MDGA2: variants seen among roughly 807,000 people sequenced by gnomAD.
The protein encoded by MDGA2 is MAM domain-containing glycosylphosphatidylinositol anchor protein 2.
A neutral mutation model predicts 117.8 loss-of-function variants in MDGA2; 40 were observed. The observed-to-expected ratio is 0.34, with a 90% CI of 0.26 to 0.44. The LOEUF (loss-of-function observed/expected upper bound fraction) is 0.44. MDGA2 is among the 20% of genes least tolerant of loss of function. The pLI is 1.00. For synonymous variants in MDGA2, 452 were observed against 439.0 expected (o/e 1.03, Z -0.37); for missense variants, 1,123 against 1,250.6 (o/e 0.90, Z 1.54).
intron 1 of MDGA2, among the ~76,000 whole-genome samples, chr14:47,479,746 A>AG (rs1893914007): frequency 6.6e-6 from 1 of 151,720 alleles, no homozygotes. Context: ...CTGATGAGTA[A>AG]GGAAAAAAAA....
chr14:47,446,109 C>T (rs571577863), intron 1 of MDGA2, among the ~76,000 whole-genome samples: 2 of 152,096 alleles, frequency 1.3e-5, no homozygotes, highest in Admixed American at 6.5e-5. Context: ...TTACTCACTT[C>T]CTTAAAAAAA....
At chr14:47,621,190 T>A (rs1358235153) in intron 1 of MDGA2, among the ~76,000 whole-genome samples, 1 of 152,132 alleles carries the variant, frequency 6.6e-6, no homozygotes, top group Non-Finnish European at 1.5e-5. Flanking sequence ...TTATTTACAA[T>A]TCCAAGTCCC....
At chr14:47,473,204 C>G (rs959074392) in intron 1 of MDGA2, among the ~76,000 whole-genome samples, 1 of 152,078 alleles carries the variant, frequency 6.6e-6, no homozygotes, top group Non-Finnish European at 1.5e-5. Context: ...GGGCACAGAC[C>G]CCACTGGCTC....
intron 8 of MDGA2, among the ~76,000 whole-genome samples, chr14:46,986,351 G>C (rs1886858291): frequency 6.6e-6 from 1 of 151,984 alleles, no homozygotes; most frequent in Non-Finnish European, 1.5e-5. Context: ...GCCTCTTCAG[G>C]AATTCTTTCT....
intron 3 of MDGA2, among the ~76,000 whole-genome samples, chr14:47,189,865 T>C (rs1268554787): frequency 6.6e-6 from 1 of 152,158 alleles, no homozygotes; most frequent in Non-Finnish European, 1.5e-5. Context: ...CTCACTGAGA[T>C]GGTGACAATT....
intron 1 of MDGA2, among the ~76,000 whole-genome samples, chr14:47,602,569 A>C (rs1406207083): frequency 6.6e-6 from 1 of 152,126 alleles, no homozygotes; most frequent in Non-Finnish European, 1.5e-5. Flanking sequence ...GTTTCCTGCA[A>C]TGTCTCTATC....
chr14:46,922,458 T>C (rs991727862), intron 9 of MDGA2, among the ~76,000 whole-genome samples: 1 of 152,212 alleles, frequency 6.6e-6, no homozygotes, highest in Non-Finnish European at 1.5e-5. Flanking sequence ...TGTTAACTAA[T>C]TTTAGATTAA....
chr14:47,248,050 T>C (rs1887308857), intron 2 of MDGA2, among the ~76,000 whole-genome samples: 1 of 151,716 alleles, frequency 6.6e-6, no homozygotes, highest in South Asian at 2.1e-4. Context: ...CTATCATTGA[T>C]GGGCATTTGG....
intron 9 of MDGA2, among the ~76,000 whole-genome samples, chr14:46,934,885 A>G (rs1261450573): frequency 6.6e-6 from 1 of 152,136 alleles, no homozygotes; most frequent in African/African-American, 2.4e-5. Context: ...ACAAGGTCAA[A>G]ATAGCTATGA....
intron 1 of MDGA2, among the ~76,000 whole-genome samples, chr14:47,425,042 G>C (rs1032432170): frequency 6.6e-6 from 1 of 152,146 alleles, no homozygotes; most frequent in Non-Finnish European, 1.5e-5. Flanking sequence ...ATGGGAATTG[G>C]AGCAGCTCCC....
intron 9 of MDGA2, among the ~76,000 whole-genome samples, chr14:46,932,853 G>T (rs1028141313): frequency 6.6e-6 from 1 of 151,136 alleles, no homozygotes; most frequent in Non-Finnish European, 1.5e-5. Context: ...CAAATGACAC[G>T]ATTATCAGCA....
At chr14:47,488,863 A>G (rs1342725588) in intron 1 of MDGA2, among the ~76,000 whole-genome samples, 1 of 152,090 alleles carries the variant, frequency 6.6e-6, no homozygotes. Flanking sequence ...CAGGAGAAAC[A>G]GACAAATTAC....
chr14:47,093,647 A>G (rs953470189), intron 6 of MDGA2, among the ~76,000 whole-genome samples: 4 of 152,134 alleles, frequency 2.6e-5, no homozygotes, highest in African/African-American at 9.7e-5. Context: ...TGTTCTCCCA[A>G]AGTAGTAAAC....
chr14:47,462,341 A>G (rs984345694), intron 1 of MDGA2, among the ~76,000 whole-genome samples: 7 of 143,932 alleles, frequency 4.9e-5, no homozygotes, highest in African/African-American at 1.6e-4. Flanking sequence ...GTGCCACTGC[A>G]CTCCAGCCTG....
chr14:47,588,624 G>A (rs1292017208), intron 1 of MDGA2, among the ~76,000 whole-genome samples: 5 of 151,674 alleles, frequency 3.3e-5, no homozygotes, highest in Non-Finnish European at 7.4e-5. Context: ...TTTTCTACAT[G>A]TGAGTCCCTC....
At chr14:47,594,914 C>A (rs1416202804) in intron 1 of MDGA2, among the ~76,000 whole-genome samples, 12 of 105,374 alleles carry the variant, frequency 1.1e-4, no homozygotes. Flanking sequence ...TCTATCAACT[C>A]CCTGATTTCC....
intron 8 of MDGA2, among the ~76,000 whole-genome samples, chr14:46,980,817 T>C (rs1886642546): frequency 6.6e-6 from 1 of 152,152 alleles, no homozygotes; most frequent in African/African-American, 2.4e-5. Context: ...TATGTACACT[T>C]TTTAGACATA....
chr14:47,394,452 A>T (rs1398139207), intron 1 of MDGA2, among the ~76,000 whole-genome samples: 1 of 152,162 alleles, frequency 6.6e-6, no homozygotes, highest in African/African-American at 2.4e-5. Flanking sequence ...CTGTGATAGC[A>T]ATTTAACCAT....
intron 1 of MDGA2, among the ~76,000 whole-genome samples, chr14:47,614,236 C>G (rs1421702154): frequency 2.7e-5 from 4 of 150,836 alleles, no homozygotes; most frequent in African/African-American, 9.7e-5. Context: ...GTTACAGGCA[C>G]CTGCCATCAT....
Sources: allele counts gnomAD v4.1 joint callset (sites outside exome capture counted in the v4.1 genomes callset), GRCh38; gene constraint gnomAD v4.1.1; transcripts MANE v1.5; gene names NCBI Gene and HGNC (gene_info 2026-07-23, HGNC 2026-07-21).